XXYLT1: variants seen among roughly 807,000 people sequenced by gnomAD.
XXYLT1 encodes the protein UDP-xylose:alpha-xyloside alpha-1,3-xylosyltransferase.
In XXYLT1, 20 loss-of-function variants were observed where a neutral mutation model predicts 28.9. That is an observed-to-expected ratio of 0.69 (90% confidence interval 0.49 to 1.00). The LOEUF is 1.00. Ranked by LOEUF, XXYLT1 falls within the 50% of genes least tolerant of loss-of-function variation. The pLI, the probability that XXYLT1 is intolerant of heterozygous loss-of-function variation, is 0.00. For synonymous variants in XXYLT1, 257 were observed against 253.8 expected (o/e 1.01, Z -0.12); for missense variants, 542 against 560.1 (o/e 0.97, Z 0.33).
chr3:195,192,424 C>CAAAAAAAAAA (rs1301489501), intron 2 of XXYLT1, among the ~76,000 whole-genome samples: 1 of 142,156 alleles, frequency 7.0e-6, no homozygotes, highest in African/African-American at 2.7e-5. Context: ...GACTCTGTCT[C>CAAAAAAAAAA]AAGAAAAAAA....
intron 2 of XXYLT1, among the ~76,000 whole-genome samples, chr3:195,194,806 G>A (rs1722559208): frequency 6.6e-6 from 1 of 152,010 alleles, no homozygotes; most frequent in African/African-American, 2.4e-5. Context: ...GAACCCAGGT[G>A]GAAAAGATTA....
At position 195,101,240 on chromosome 3, in the gene XXYLT1, C is replaced by T. The variant is rs149682841; in HGVS notation, c.786-31129G>A. Among the ~76,000 whole-genome samples the T allele has an allele frequency of 8.7e-3, 1,323 of 152,368 alleles. 7 individuals carry two copies. The highest frequency in any genetic ancestry group is 0.017 in the Middle Eastern group (5 of 294). ...GGCAGGTACCCCCAGCTTGAATGTTCGACTTAATTGATTGGGAGCAATTAA... is the reference window on the plus strand; with the variant it reads ...GGCAGGTACCCCCAGCTTGAATGTTTGACTTAATTGATTGGGAGCAATTAA... On this transcript the variant is annotated intron_variant, in intron 3 of 3. Transcript: ENST00000310380.
Position 195,257,455 on chromosome 3 carries a change from G to A in XXYLT1, c.504+13100C>T, listed in dbSNP as rs902607179. On this transcript the variant is annotated intron_variant, in intron 1 of 3. Transcript: ENST00000310380. This position sits in a 1 kb window ranked among gnomAD's most constrained non-coding sequence, Gnocchi z 4.3. ...GGTCCCCACATAACTGGCACCGTCC[G>A]AGCTTCATCATGAAAGGCGAGTTAA... is the stretch of plus-strand genomic sequence containing the variant. Among the ~76,000 whole-genome samples, 1 of 152,208 alleles carries A rather than the reference G, an allele frequency of 6.6e-6. No homozygotes were observed. Among genetic ancestry groups the A allele is most frequent in the Non-Finnish European group, 1.5e-5 (1 of 68,022 alleles).
intron 3 of XXYLT1, among the ~76,000 whole-genome samples, chr3:195,109,602 G>GTGGT (rs767131363): frequency 1.3e-5 from 1 of 76,592 alleles, no homozygotes. Context: ...ACGTGTGTGT[G>GTGGT]GTGTGTGTTG....
intron 3 of XXYLT1, among the ~76,000 whole-genome samples, chr3:195,106,290 A>ATGGAGAGATG (rs1359357861): frequency 0.024 from 2,976 of 122,448 alleles, 143 homozygotes; most frequent in African/African-American, 0.042. Context: ...TGTGTTTTTG[A>ATGGAGAGATG]CGGAGAGATG....
At position 195,076,966 on chromosome 3, in the gene XXYLT1, G is replaced by C. The variant is rs1462319692; in HGVS notation, c.786-6855C>G. Among the ~76,000 whole-genome samples, 1 of 152,186 alleles carries C rather than the reference G, an allele frequency of 6.6e-6. No homozygotes were observed. Among genetic ancestry groups the C allele is most frequent in the Admixed American group, 6.5e-5 (1 of 15,286 alleles). On this transcript the variant is annotated intron_variant, in intron 3 of 3. Coordinates refer to ENST00000310380, the MANE Select transcript of XXYLT1 (RefSeq NM_152531.5). This position sits in a 1 kb window ranked among gnomAD's most constrained non-coding sequence, Gnocchi z 5.3. The stretch of plus-strand genomic sequence containing the variant: ...AGTGCTGGGGGCTAGGATTTCTGCA[G>C]AGGAATTCTGAGGGACACACTTCAA...
intron 3 of XXYLT1, among the ~76,000 whole-genome samples, chr3:195,089,682 A>C (rs1716022649): frequency 6.6e-6 from 1 of 152,010 alleles, no homozygotes; most frequent in African/African-American, 2.4e-5. Flanking sequence ...AACAATATTA[A>C]CTTTAAATGT....
At chr3:195,169,630 C>T (rs546632347) in intron 2 of XXYLT1, among the ~76,000 whole-genome samples, 56 of 152,130 alleles carry the variant, frequency 3.7e-4, no homozygotes, top group African/African-American at 1.2e-3. Flanking sequence ...TTTTTATTTA[C>T]GATAGGTTTA....
At chr3:195,234,012 G>T (rs1480493823) in intron 1 of XXYLT1, among the ~76,000 whole-genome samples, 3 of 151,842 alleles carry the variant, frequency 2.0e-5, no homozygotes, top group Non-Finnish European at 4.4e-5. Flanking sequence ...CGCCTCCCAG[G>T]TTCATGCCAT....
rs901055089 is a variant in XXYLT1, at chr3:195,230,093, T to C, written c.505-3237A>G. ...AACCATTTGAACTGGAGTGAGATGA[T>C]ATCTCATTGTAGGTTTGATTTGCAT... is the stretch of plus-strand genomic sequence containing the variant. On this transcript the variant is annotated intron_variant, in intron 1 of 3. Coordinates refer to ENST00000310380, the MANE Select transcript of XXYLT1 (RefSeq NM_152531.5). 3.3e-5 allele frequency among the ~76,000 whole-genome samples: 5 copies of C among 152,360 alleles called. No homozygotes were observed. The South Asian group carries it at 8.3e-4, about 25-fold the overall frequency.
chr3:195,101,967 A>AGGGGAGGGGG (rs1716805152), intron 3 of XXYLT1, among the ~76,000 whole-genome samples: 1 of 17,448 alleles, frequency 5.7e-5, no homozygotes, highest in Non-Finnish European at 1.2e-4. Context: ...AGGGGAGGGG[A>AGGGGAGGGGG]CGGGGGAGGG....
intron 3 of XXYLT1, among the ~76,000 whole-genome samples, chr3:195,099,030 A>T (rs1043367627): frequency 6.6e-6 from 1 of 152,184 alleles, no homozygotes; most frequent in Non-Finnish European, 1.5e-5. Flanking sequence ...CAATGTATTT[A>T]CTTTCCAAAG....
At chr3:195,247,881 T>C in intron 1 of XXYLT1, 1 of 690,762 alleles carries the variant, frequency 1.4e-6, no homozygotes, top group Non-Finnish European at 2.6e-6. Flanking sequence ...CGCTACACAC[T>C]TTCAAACAGC....
chr3:195,133,670 G>A lies in XXYLT1; in HGVS notation c.785+22779C>T, dbSNP rs1367098680. On this transcript the variant is annotated intron_variant, in intron 3 of 3. Coordinates refer to ENST00000310380, the MANE Select transcript of XXYLT1 (RefSeq NM_152531.5). This position sits in a 1 kb window ranked among gnomAD's most constrained non-coding sequence, Gnocchi z 4.4. Reference sequence around the variant, plus strand: ...ACTCTCGGCAACTTGTTGCCATGCAGCATTGTATACAGTCACGCACCACGT... The same window carrying A: ...ACTCTCGGCAACTTGTTGCCATGCAACATTGTATACAGTCACGCACCACGT... Among the ~76,000 whole-genome samples the A allele has an allele frequency of 6.6e-6, 1 of 152,196 alleles. No homozygotes were observed. Among genetic ancestry groups the A allele is most frequent in the Non-Finnish European group, 1.5e-5 (1 of 68,038 alleles).
chr3:195,255,842 C>T lies in XXYLT1; in HGVS notation c.504+14713G>A, dbSNP rs1725457125. 6.6e-6 allele frequency among the ~76,000 whole-genome samples: 1 copy of T among 152,026 alleles called. No homozygotes were observed. The highest frequency in any genetic ancestry group is 2.4e-5 in the African/African-American group (1 of 41,400). Reference sequence around the variant, plus strand: ...CCAGGACCAGAGTCTGGACTCCCTCCAACCCAGACCTCTTCTGCAGCTAAA... The same window carrying T: ...CCAGGACCAGAGTCTGGACTCCCTCTAACCCAGACCTCTTCTGCAGCTAAA... On this transcript the variant is annotated intron_variant, in intron 1 of 3. Coordinates refer to ENST00000310380, the MANE Select transcript of XXYLT1 (RefSeq NM_152531.5). The surrounding 1 kb of genome is among the most constrained non-coding windows in gnomAD (Gnocchi z 4.5).
At chr3:195,170,823 C>T (rs1721368353) in intron 2 of XXYLT1, among the ~76,000 whole-genome samples, 1 of 152,026 alleles carries the variant, frequency 6.6e-6, no homozygotes, top group South Asian at 2.1e-4. Flanking sequence ...CAGGAGGATC[C>T]CTTGAGCACA....
At chr3:195,247,097 A>G (rs1252212769) in intron 1 of XXYLT1, among the ~76,000 whole-genome samples, 8 of 152,178 alleles carry the variant, frequency 5.3e-5, no homozygotes, top group Non-Finnish European at 1.0e-4. Context: ...TTGACATTTA[A>G]TACTAAATTT....
At chr3:195,143,815 G>GATATAT (rs1162726602) in intron 3 of XXYLT1, among the ~76,000 whole-genome samples, 3 of 77,374 alleles carry the variant, frequency 3.9e-5, no homozygotes, top group African/African-American at 1.4e-4. Flanking sequence ...GATATATATA[G>GATATAT]ATATAGATAT....
chr3:195,227,080 G>T (rs145353973), intron 1 of XXYLT1, among the ~76,000 whole-genome samples: 60 of 152,238 alleles, frequency 3.9e-4, no homozygotes, highest in African/African-American at 1.4e-3. Flanking sequence ...CTGTGTGAGG[G>T]GTGGCATGCA....
Sources: allele counts gnomAD v4.1 joint callset (sites outside exome capture counted in the v4.1 genomes callset), GRCh38; gene constraint gnomAD v4.1.1; non-coding constraint Gnocchi (gnomAD v3.1); transcripts MANE v1.5; gene names NCBI Gene and HGNC (gene_info 2026-07-23, HGNC 2026-07-21).